The following WASF3 variants were observed in gnomAD, a reference collection of about 807,000 sequenced individuals.
WASF3 encodes WASP family member 3.
A neutral mutation model predicts 46.6 loss-of-function variants in WASF3; 11 were observed. The ratio of observed to expected loss-of-function variants is 0.24; its 90% CI spans 0.15 to 0.39. The LOEUF (loss-of-function observed/expected upper bound fraction) is 0.39, where lower values mean the gene tolerates loss of function less well. Ranked by LOEUF, WASF3 falls within the 10% of genes least tolerant of loss-of-function variation. The probability of loss-of-function intolerance (pLI) is 1.00; values close to 1 mark genes in which losing one functional copy is unlikely to be tolerated. For synonymous variants in WASF3, 242 were observed against 259.7 expected (o/e 0.93, Z 0.65); for missense variants, 576 against 669.8 (o/e 0.86, Z 1.55).
intron 4 of WASF3, 135 bp downstream of exon 4, chr13:26,665,297 A>G (rs1882738753): frequency 5.4e-6 from 6 of 1,106,400 alleles, no homozygotes; most frequent in Non-Finnish European, 7.6e-6. Flanking sequence ...AAGAATAGCG[A>G]GGGGGAAAAA....
At chr13:26,557,964 G>GGCCCACTGCGGGCTGCGGC (rs1879151356) in intron 1 of WASF3, 145 bp downstream of exon 1, 2 of 242,612 alleles carry the variant, frequency 8.2e-6, no homozygotes, top group African/African-American at 4.6e-5. Flanking sequence ...CGGGCGGCGG[G>GGCCCACTGCGGGCTGCGGC]GCCCACTGCG....
chr13:26,687,721 C>CTTTTTTT lies in WASF3; in HGVS notation c.*1877_*1878insTTTTTTT, dbSNP rs371152678. ...CTAAATTTCTAATTTCTCTCTCTCT[C>CTTTTTTT]TCTTTTTTTTTTTTTTGTTGTTGTT... On this transcript the variant is annotated 3_prime_UTR_variant, in exon 10 of 10. Transcript: ENST00000335327. 2.4e-5 allele frequency: 2 copies of CTTTTTTT among 83,364 alleles called. No individual in the cohort carries two copies. Among genetic ancestry groups the CTTTTTTT allele is most frequent in the Non-Finnish European group, 5.9e-5 (2 of 34,108 alleles). The allele number at this position is 83,364 out of a possible 1,614,324, so 5.2% of individuals were successfully genotyped here. A position where few individuals can be genotyped will look rare whatever the true frequency, so the allele number is the denominator to read the frequency against.
intron 1 of WASF3, among the ~76,000 whole-genome samples, chr13:26,578,584 A>G (rs1879872415): frequency 1.3e-5 from 2 of 152,154 alleles, no homozygotes; most frequent in South Asian, 4.1e-4. Flanking sequence ...TGTTTTCTTT[A>G]ACCAATTCAC....
At chr13:26,585,508 A>G (rs931130816) in intron 1 of WASF3, among the ~76,000 whole-genome samples, 1 of 152,202 alleles carries the variant, frequency 6.6e-6, no homozygotes, top group Non-Finnish European at 1.5e-5. Flanking sequence ...ATTCTGTGTT[A>G]CTGCTAGTTG....
the WASF3 span, among the ~76,000 whole-genome samples, chr13:26,540,474 A>G: frequency 6.6e-6 from 1 of 152,076 alleles, no homozygotes; most frequent in African/African-American, 2.4e-5. Flanking sequence ...TGCAGCTCAC[A>G]ACCTCATTCT....
At chr13:26,551,450 T>C in the WASF3 span, among the ~76,000 whole-genome samples, 1 of 152,174 alleles carries the variant, frequency 6.6e-6, no homozygotes, top group African/African-American at 2.4e-5. Context: ...AATGACATCA[T>C]GAAAACTCAT....
intron 1 of WASF3, among the ~76,000 whole-genome samples, chr13:26,566,544 A>T (rs2137146483): frequency 1.3e-5 from 2 of 152,340 alleles, no homozygotes; most frequent in South Asian, 4.1e-4. Context: ...TCTGTTTCTC[A>T]CCTATGTGGA....
In WASF3 at chr13:26,660,194, G is replaced by GTTTTTTTTTTT. The variant is rs71080285; in HGVS notation, c.134-4809_134-4799dup. Among the ~76,000 whole-genome samples, 9 of 43,372 alleles carry GTTTTTTTTTTT rather than the reference G, an allele frequency of 2.1e-4. 1 individual carries two copies. The highest frequency in any genetic ancestry group is 4.5e-4 in the African/African-American group (6 of 13,446). 28.5% of individuals were successfully genotyped at this position (43,372 alleles called of 152,430 possible). ...GTAATTAGCTTTTGTTTTTTGTTTG[G>GTTTTTTTTTTT]TTTTTTTTTTTTTTTTTTTTTTTTT... On this transcript the variant is annotated intron_variant, in intron 3 of 9. Transcript: ENST00000335327.
intron 1 of WASF3, 71 bp downstream of exon 1, chr13:26,557,890 C>T: frequency 6.9e-6 from 2 of 290,528 alleles, no homozygotes; most frequent in Non-Finnish European, 1.3e-5. Flanking sequence ...CCGGGCCGGG[C>T]GGCTGTCGGG....
intron 2 of WASF3, among the ~76,000 whole-genome samples, chr13:26,623,847 G>A (rs1881385224): frequency 6.6e-6 from 1 of 152,114 alleles, no homozygotes. Flanking sequence ...AGGATGATCA[G>A]GAACACTGAA....
the WASF3 span, among the ~76,000 whole-genome samples, chr13:26,543,748 T>C: frequency 2.0e-5 from 3 of 152,198 alleles, no homozygotes; most frequent in African/African-American, 7.2e-5. Flanking sequence ...AATCCCGGAA[T>C]TTCAGAAAGA....
chr13:26,627,269 C>CT lies in WASF3; in HGVS notation c.-11+14221dup, dbSNP rs56996940. Among the ~76,000 whole-genome samples, 144 of 150,350 alleles carry CT rather than the reference C, an allele frequency of 9.6e-4. 1 individual carries two copies. In the South Asian group the frequency reaches 0.014, roughly 14 times the overall value. On this transcript the variant is annotated intron_variant, in intron 2 of 9. Coordinates refer to ENST00000335327, the MANE Select transcript of WASF3 (RefSeq NM_006646.6). ...ATTACTATCAACATCTTATACTATA[C>CT]TTTTTTTTTTATTTTCATGTGAGCC...
At chr13:26,567,019 G>T (rs931176485) in intron 1 of WASF3, among the ~76,000 whole-genome samples, 1 of 152,236 alleles carries the variant, frequency 6.6e-6, no homozygotes, top group Non-Finnish European at 1.5e-5. Context: ...ACATTGAAAG[G>T]TGTAGTAGGT....
chr13:26,660,581 G>GTA (rs111233538), intron 3 of WASF3, among the ~76,000 whole-genome samples: 2,386 of 152,164 alleles, frequency 0.016, 32 homozygotes, highest in African/African-American at 0.038. Context: ...GCAGCATGGG[G>GTA]TACTCTGGGG....
At chr13:26,555,154 A>C (rs1879069738), upstream of WASF3, among the ~76,000 whole-genome samples, 1 of 152,226 alleles carries the variant, frequency 6.6e-6, no homozygotes, top group Non-Finnish European at 1.5e-5. Flanking sequence ...CCTTAATGAC[A>C]CATGATATTG....
At chr13:26,627,501 G>A (rs539758603) in intron 2 of WASF3, among the ~76,000 whole-genome samples, 1 of 152,094 alleles carries the variant, frequency 6.6e-6, no homozygotes, top group Admixed American at 6.5e-5. Context: ...CCTATACCTA[G>A]TCAAAGTTTA....
intron 2 of WASF3, among the ~76,000 whole-genome samples, chr13:26,616,507 A>T (rs904427359): frequency 1.3e-5 from 2 of 152,116 alleles, no homozygotes; most frequent in Non-Finnish European, 2.9e-5. Flanking sequence ...TCAGATCTTT[A>T]TCAGATATAT....
chr13:26,560,849 G>T (rs1237465678), intron 1 of WASF3, among the ~76,000 whole-genome samples: 1 of 152,218 alleles, frequency 6.6e-6, no homozygotes, highest in East Asian at 1.9e-4. Context: ...TGGTTACAAT[G>T]TATTGTTTGA....
rs540343209 is a variant in WASF3 at position 26,614,415 on chromosome 13, G to A, written c.-11+1357G>A. Among the ~76,000 whole-genome samples, 5 of 152,274 alleles carry A rather than the reference G, an allele frequency of 3.3e-5. No homozygotes were observed. In the East Asian group the frequency reaches 7.7e-4, roughly 23 times the overall value. On this transcript the variant is annotated intron_variant, in intron 2 of 9. Coordinates refer to ENST00000335327, the MANE Select transcript of WASF3 (RefSeq NM_006646.6). Reference sequence around the variant, plus strand: ...AATGATCACAGCCTGAAAATCCATGGTTAAAGAGGAGCTTACAAGGCAAAA... The same window carrying A: ...AATGATCACAGCCTGAAAATCCATGATTAAAGAGGAGCTTACAAGGCAAAA...
Sources: gnomAD v4.1 joint callset for allele counts (sites outside exome capture counted in the v4.1 genomes callset) on GRCh38, gnomAD v4.1.1 for gene constraint, MANE v1.5 for transcripts, NCBI Gene and HGNC (gene_info 2026-07-23, HGNC 2026-07-21) for gene names.